The following TRPM7 variants were observed in gnomAD, a reference collection of about 807,000 sequenced individuals.
TRPM7 encodes the protein transient receptor potential cation channel subfamily M member 7.
TRPM7 carries 134 observed loss-of-function variants against 229.7 expected under a neutral mutation model. That is an observed-to-expected ratio of 0.58 (90% CI 0.51 to 0.67). The LOEUF (loss-of-function observed/expected upper bound fraction) is 0.67. Ranked by LOEUF, TRPM7 falls within the 30% of genes least tolerant of loss-of-function variation. The pLI, the probability that TRPM7 is intolerant of heterozygous loss-of-function variation, is 0.00. For missense variants in TRPM7, 1,901 were observed against 2,210.0 expected (o/e 0.86, Z 2.80); for synonymous variants, 699 against 715.2 (o/e 0.98, Z 0.36).
chr15:50,599,141 A>C lies in TRPM7; in HGVS notation c.3144T>G (p.Val1048=). The stretch of plus-strand genomic sequence containing the variant: ...TCTTACCATCAATTTCGTATGCATA[A>C]ACTTCACCAAAAATCATCCAGTATG... The part of the protein sequence containing the change: ...FHPYWMIFGE[V]YAYEIDVCAN... Residue 1048 remains valine (V), a synonymous_variant, in exon 22 of 39, where the codon GTT becomes GTG. Coordinates refer to ENST00000646667, the MANE Select transcript of TRPM7 (RefSeq NM_017672.6). 6.2e-7 allele frequency: 1 copy of C among 1,609,022 alleles called. No homozygotes were observed.
At chr15:50,598,646 T>C (rs2140399113) in intron 22 of TRPM7, among the ~76,000 whole-genome samples, 1 of 152,294 alleles carries the variant, frequency 6.6e-6, no homozygotes, top group East Asian at 1.9e-4. Context: ...CTCAAGCTAA[T>C]GAAATGAAAG....
chr15:50,570,101 T>C lies in TRPM7; in HGVS notation c.5360+3A>G. 1.2e-6 allele frequency: 2 copies of C among 1,610,408 alleles called. No homozygotes were observed. Among genetic ancestry groups the C allele is most frequent in the Non-Finnish European group, 1.7e-6 (2 of 1,178,222 alleles). On this transcript the variant is annotated splice_donor_region_variant and intron_variant, in intron 37 of 38. Coordinates refer to ENST00000646667, the MANE Select transcript of TRPM7 (RefSeq NM_017672.6). ...CCTTAATGAAATAGTTAAAACTTAT[T>C]ACCTCTTTTCTTCTGCTTTTATCAC...
At chr15:50,648,941 A>C (rs2061343002) in intron 3 of TRPM7, 56 bp from the exon 4 acceptor site, 2 of 1,415,620 alleles carry the variant, frequency 1.4e-6, no homozygotes, top group Non-Finnish European at 1.9e-6. Context: ...TTAATGAAAA[A>C]ATGGAATTAA....
At chr15:50,628,089 A>T in intron 11 of TRPM7, 60 bp downstream of exon 11, 1 of 1,245,832 alleles carries the variant, frequency 8.0e-7, no homozygotes, top group Non-Finnish European at 1.2e-6. Context: ...AGTTCCCGCA[A>T]ATACTTTTTT....
At chr15:50,633,019 T>C (rs757902506) in intron 8 of TRPM7, 27 bp from the exon 9 acceptor site, 1 of 1,566,234 alleles carries the variant, frequency 6.4e-7, no homozygotes, top group South Asian at 1.2e-5. Flanking sequence ...CATAATTCAC[T>C]GATTTCATCT....
In TRPM7 at chr15:50,679,536, ATATTTTT is replaced by A. The variant is rs1450112674; in HGVS notation, c.3+6988_3+6994del. On this transcript the variant is annotated intron_variant, in intron 1 of 38. Transcript: ENST00000646667. ...AATATATATATATATATATATATAT[ATATTTTT>A]TTTTTTTTTTGAGACAGAGTCTTGT... Among the ~76,000 whole-genome samples the A allele has an allele frequency of 3.3e-4, 16 of 48,958 alleles. No individual in the cohort carries two copies. The East Asian group carries it at 3.3e-3, about 10-fold the overall frequency. 32.1% of individuals were successfully genotyped at this position (48,958 alleles called of 152,430 possible). A position where few individuals can be genotyped will look rare whatever the true frequency, so the allele number is the denominator to read the frequency against.
intron 10 of TRPM7, among the ~76,000 whole-genome samples, chr15:50,630,430 C>T (rs917969695): frequency 1.3e-5 from 2 of 152,082 alleles, no homozygotes; most frequent in Non-Finnish European, 2.9e-5. Context: ...AGATGGGATA[C>T]CGTCATAGTT....
chr15:50,662,830 A>G (rs1596330041), intron 2 of TRPM7, 137 bp downstream of exon 2: 5 of 710,466 alleles, frequency 7.0e-6, no homozygotes, highest in East Asian at 5.6e-5. Flanking sequence ...CCCAAATTAA[A>G]TGATTAACAG....
At chr15:50,583,821 G>A (rs1377494125) in intron 28 of TRPM7, among the ~76,000 whole-genome samples, 10 of 152,100 alleles carry the variant, frequency 6.6e-5, no homozygotes, top group Middle Eastern at 6.8e-3. Flanking sequence ...TGATCCACCC[G>A]CCTCAACCTC....
chr15:50,574,781 T>G (rs1485608018), intron 34 of TRPM7, 62 bp from the exon 35 acceptor site: 10 of 1,585,910 alleles, frequency 6.3e-6, no homozygotes, highest in Non-Finnish European at 8.6e-6. Flanking sequence ...ATATTTGGCT[T>G]ATTGATATTT....
At chr15:50,679,709 T>G (rs918035588) in intron 1 of TRPM7, among the ~76,000 whole-genome samples, 32 of 150,910 alleles carry the variant, frequency 2.1e-4, no homozygotes, top group African/African-American at 7.8e-4. Flanking sequence ...CTGATTTTTA[T>G]ATTTTTAGTA....
chr15:50,574,067 AG>A (rs527357521), intron 36 of TRPM7, among the ~76,000 whole-genome samples: 169 of 93,784 alleles, frequency 1.8e-3, no homozygotes, highest in African/African-American at 5.8e-3. Context: ...GGGGTGGGGG[AG>A]GGGGCGGGGG....
At chr15:50,664,268 C>T (rs1348235431) in intron 1 of TRPM7, among the ~76,000 whole-genome samples, 3 of 146,828 alleles carry the variant, frequency 2.0e-5, no homozygotes, top group Non-Finnish European at 4.5e-5. Flanking sequence ...CGAGATCGCG[C>T]CACTGCACTC....
intron 13 of TRPM7, among the ~76,000 whole-genome samples, chr15:50,615,344 A>G (rs927275961): frequency 6.6e-6 from 1 of 152,070 alleles, no homozygotes; most frequent in Non-Finnish European, 1.5e-5. Context: ...TATACTGGTA[A>G]TATTATAGGT....
chr15:50,624,307 G>A lies in TRPM7; in HGVS notation c.1306-7C>T. 6.4e-7 allele frequency: 1 copy of A among 1,572,518 alleles called. No individual in the cohort carries two copies. Among genetic ancestry groups the A allele is most frequent in the Non-Finnish European group, 8.6e-7 (1 of 1,163,286 alleles). Reference sequence around the variant, plus strand: ...CTTGTTCCAAGGATCCAACCTAGGAGTATCAAATTTAATAAATACATATTT... The same window carrying A: ...CTTGTTCCAAGGATCCAACCTAGGAATATCAAATTTAATAAATACATATTT... On this transcript the variant is annotated splice_region_variant and splice_polypyrimidine_tract_variant and intron_variant, in intron 11 of 38. Coordinates refer to ENST00000646667, the MANE Select transcript of TRPM7 (RefSeq NM_017672.6).
intron 7 of TRPM7, among the ~76,000 whole-genome samples, chr15:50,635,318 T>TA (rs71124393): frequency 0.025 from 1,075 of 42,928 alleles, 155 homozygotes; most frequent in African/African-American, 0.09. Flanking sequence ...CTCCCTCACA[T>TA]AAAAAAAAAA....
At chr15:50,680,003 G>C (rs2062207279) in intron 1 of TRPM7, among the ~76,000 whole-genome samples, 1 of 150,454 alleles carries the variant, frequency 6.6e-6, no homozygotes, top group East Asian at 2.0e-4. Context: ...GGGGGCCAAG[G>C]TGGGTGGATC....
intron 36 of TRPM7, among the ~76,000 whole-genome samples, chr15:50,571,136 C>G (rs2053865479): frequency 6.6e-6 from 1 of 152,064 alleles, no homozygotes. Flanking sequence ...AGAGCAAAAT[C>G]TAATAAAATG....
chr15:50,626,267 C>T (rs1348355523), intron 11 of TRPM7, among the ~76,000 whole-genome samples: 1 of 151,840 alleles, frequency 6.6e-6, no homozygotes. Context: ...TACATATATT[C>T]TTAATTTATG....
Sources: allele counts gnomAD v4.1 joint callset (sites outside exome capture counted in the v4.1 genomes callset), GRCh38; gene constraint gnomAD v4.1.1; transcripts MANE v1.5; gene names NCBI Gene and HGNC (gene_info 2026-07-23, HGNC 2026-07-21).